GAP43: variants seen among roughly 807,000 people sequenced by gnomAD.
GAP43 encodes growth associated protein 43.
GAP43 carries 6 observed loss-of-function variants against 18.6 expected under a neutral mutation model. The observed-to-expected ratio is 0.32, with a 90% CI of 0.18 to 0.64. The LOEUF (loss-of-function observed/expected upper bound fraction) is 0.64, where lower values mean the gene tolerates loss of function less well. Ranked by LOEUF, GAP43 falls within the 30% of genes least tolerant of loss-of-function variation. GAP43 has a pLI of 0.78. For missense variants in GAP43, 292 were observed against 295.5 expected, an observed-to-expected ratio of 0.99 and a Z score of 0.09; for synonymous variants, 115 against 111.4, an observed-to-expected ratio of 1.03 and a Z score of -0.20.
At position 115,688,672 on chromosome 3, in the gene GAP43, C is replaced by T. The variant is rs529216066; in HGVS notation, c.628+12062C>T. ...TGGGGCCAATTCTTATTTAACTCCG[C>T]GGACTGACATCCTAAATGCCTCTTC... On this transcript the variant is annotated intron_variant, in intron 2 of 2. Transcript: ENST00000305124. Among the ~76,000 whole-genome samples the T allele has an allele frequency of 6.7e-4, 102 of 152,280 alleles. 2 individuals carry two copies. In the South Asian group the frequency reaches 0.019, roughly 29 times the overall value.
At position 115,640,586 on chromosome 3, in the gene GAP43, C is replaced by T. The variant is rs140914998; in HGVS notation, c.30+16867C>T. On this transcript the variant is annotated intron_variant, in intron 1 of 2. Coordinates refer to ENST00000305124, the MANE Select transcript of GAP43 (RefSeq NM_002045.4). The stretch of plus-strand genomic sequence containing the variant: ...CTCTGGACTCCTCAATTGATGTACA[C>T]CCAGAGACACTGCAGTGTCAGTCCA... 3.9e-3 allele frequency among the ~76,000 whole-genome samples: 590 copies of T among 152,204 alleles called. 4 individuals are homozygous for T. The highest frequency in any genetic ancestry group is 0.014 in the African/African-American group (572 of 41,524).
At chr3:115,699,505 C>T (rs966735362) in intron 2 of GAP43, among the ~76,000 whole-genome samples, 1 of 152,168 alleles carries the variant, frequency 6.6e-6, no homozygotes, top group African/African-American at 2.4e-5. Context: ...TGCAATTGAG[C>T]TGCAAATCTA....
At chr3:115,685,047 A>G (rs568790018) in intron 2 of GAP43, among the ~76,000 whole-genome samples, 14 of 152,162 alleles carry the variant, frequency 9.2e-5, no homozygotes, top group East Asian at 1.9e-4. Context: ...TGCATCTGTG[A>G]CAATACTTTG....
chr3:115,669,263 A>G (rs1026948953), intron 1 of GAP43, among the ~76,000 whole-genome samples: 22 of 152,278 alleles, frequency 1.4e-4, no homozygotes, highest in African/African-American at 4.1e-4. Flanking sequence ...ACTAATTTCT[A>G]TAATTGGGGA....
chr3:115,677,734 C>T (rs1370807), intron 2 of GAP43, among the ~76,000 whole-genome samples: 39,029 of 152,118 alleles, frequency 0.26, 5,501 homozygotes, highest in Non-Finnish European at 0.31. Flanking sequence ...GGTCCAAATA[C>T]GGACTGAACC....
intron 1 of GAP43, among the ~76,000 whole-genome samples, chr3:115,672,309 C>T (rs376645287): frequency 6.6e-6 from 1 of 152,242 alleles, no homozygotes; most frequent in Middle Eastern, 3.4e-3. Context: ...TTTCTCTGGG[C>T]TTGAATGTCC....
intron 1 of GAP43, among the ~76,000 whole-genome samples, chr3:115,662,992 G>C (rs1371467007): frequency 1.3e-5 from 2 of 152,150 alleles, no homozygotes; most frequent in Non-Finnish European, 2.9e-5. Flanking sequence ...CTAAATAAAA[G>C]GGAATTTTCT....
intron 1 of GAP43, among the ~76,000 whole-genome samples, chr3:115,672,605 T>A (rs946532257): frequency 1.3e-5 from 2 of 152,148 alleles, no homozygotes; most frequent in Admixed American, 1.3e-4. Flanking sequence ...AACCCAGTAT[T>A]AACTTAAAAT....
In GAP43 at chr3:115,643,770, A is replaced by G. The variant is rs140639592; in HGVS notation, c.30+20051A>G. On this transcript the variant is annotated intron_variant, in intron 1 of 2. Coordinates refer to ENST00000305124, the MANE Select transcript of GAP43 (RefSeq NM_002045.4). ...TCCAGCCCTTGTATCTACTCAAGAT[A>G]CTTATTACAATCTGCTGGCACCAGT... is the stretch of plus-strand genomic sequence containing the variant. 5.1e-3 allele frequency among the ~76,000 whole-genome samples: 778 copies of G among 152,106 alleles called. 4 individuals carry two copies. The highest frequency in any genetic ancestry group is 0.017 in the African/African-American group (726 of 41,530).
rs183541274 is a variant in GAP43 at position 115,672,774 on chromosome 3, C to T, written c.31-3239C>T. Reference sequence around the variant, plus strand: ...CTCTCCTCTCCTCTCCTCTCCTTTCCTTTCCTTTCATTTCCCTGCGTCTGT... The same window carrying T: ...CTCTCCTCTCCTCTCCTCTCCTTTCTTTTCCTTTCATTTCCCTGCGTCTGT... On this transcript the variant is annotated intron_variant, in intron 1 of 2. Coordinates refer to ENST00000305124, the MANE Select transcript of GAP43 (RefSeq NM_002045.4). 2.7e-5 allele frequency among the ~76,000 whole-genome samples: 4 copies of T among 150,526 alleles called. No homozygotes were observed. In the East Asian group the frequency reaches 7.9e-4, roughly 30 times the overall value.
Position 115,676,277 on chromosome 3 carries a change from G to C in GAP43, c.295G>C (p.Asp99His). The stretch of plus-strand genomic sequence containing the variant: ...AGCCCCAGCCACTGGCTCCAAGCCT[G>C]ATGAGCCCGGCAAAGCAGGAGAAAC... ...EAAPATGSKP[D>H]EPGKAGETPS... Residue 99 changes from aspartate to histidine, a missense_variant, in exon 2 of 3, where the codon GAT becomes CAT. Coordinates refer to ENST00000305124, the MANE Select transcript of GAP43 (RefSeq NM_002045.4). The C allele has an allele frequency of 6.2e-7, 1 of 1,614,142 alleles. No homozygotes were observed. Among genetic ancestry groups the C allele is most frequent in the Non-Finnish European group, 8.5e-7 (1 of 1,180,022 alleles).
At chr3:115,711,516 C>G (rs527804990) in intron 2 of GAP43, among the ~76,000 whole-genome samples, 4 of 150,412 alleles carry the variant, frequency 2.7e-5, no homozygotes, top group South Asian at 2.1e-4. Flanking sequence ...CACACACCCC[C>G]CTACAGAAAG....
rs116363618 is a variant in GAP43, at chr3:115,687,382, A to G, written c.628+10772A>G. Among the ~76,000 whole-genome samples, 1,101 of 152,248 alleles carry G rather than the reference A, an allele frequency of 7.2e-3. 12 individuals carry two copies. Among genetic ancestry groups the G allele is most frequent in the Non-Finnish European group, 0.012 (796 of 68,008 alleles). On this transcript the variant is annotated intron_variant, in intron 2 of 2. Coordinates refer to ENST00000305124, the MANE Select transcript of GAP43 (RefSeq NM_002045.4). Reference sequence around the variant, plus strand: ...GAAAATTGATTCATATTACAGTCCTATTGTGTAGTCGCAGATAGGACTGGT... The same window carrying G: ...GAAAATTGATTCATATTACAGTCCTGTTGTGTAGTCGCAGATAGGACTGGT...
intron 2 of GAP43, among the ~76,000 whole-genome samples, chr3:115,681,396 C>G (rs1708956034): frequency 6.6e-6 from 1 of 152,126 alleles, no homozygotes; most frequent in South Asian, 2.1e-4. Context: ...TGTTTTGTCT[C>G]AGTTTCTGCA....
chr3:115,678,278 C>G (rs1208841228), intron 2 of GAP43, among the ~76,000 whole-genome samples: 1 of 152,130 alleles, frequency 6.6e-6, no homozygotes, highest in Admixed American at 6.6e-5. Flanking sequence ...ATTAATCATG[C>G]TTTTAAATAC....
At chr3:115,649,028 T>C (rs1043478113) in intron 1 of GAP43, among the ~76,000 whole-genome samples, 8 of 152,076 alleles carry the variant, frequency 5.3e-5, no homozygotes, top group African/African-American at 1.9e-4. Context: ...TACAGATAAC[T>C]GGCATAGACC....
chr3:115,671,217 T>C (rs1483373567), intron 1 of GAP43, among the ~76,000 whole-genome samples: 1 of 152,182 alleles, frequency 6.6e-6, no homozygotes, highest in Non-Finnish European at 1.5e-5. Context: ...CATTTTAGAA[T>C]AAATCTTAAG....
In GAP43 at chr3:115,668,077, G is replaced by T. The variant is rs1004100057; in HGVS notation, c.31-7936G>T. On this transcript the variant is annotated intron_variant, in intron 1 of 2. Coordinates refer to ENST00000305124, the MANE Select transcript of GAP43 (RefSeq NM_002045.4). ...TCAAGAGTAGAGATGCTTCCTCCCA[G>T]GGCTGACTTCCCATAGGTATTTTCC... is the stretch of plus-strand genomic sequence containing the variant. 8.5e-5 allele frequency among the ~76,000 whole-genome samples: 13 copies of T among 152,132 alleles called. No homozygotes were observed. In the East Asian group the frequency reaches 2.5e-3, roughly 29 times the overall value.
Position 115,675,871 on chromosome 3 carries a change from TC to T in GAP43, c.31-140del, listed in dbSNP as rs1227396223. The T allele has an allele frequency of 6.8e-5, 80 of 1,181,052 alleles. 1 individual carries two copies. The highest frequency in any genetic ancestry group is 4.5e-4 in the Admixed American group (15 of 33,580). 73.2% of individuals were successfully genotyped at this position (1,181,052 alleles called of 1,614,324 possible). A position where few individuals can be genotyped will look rare whatever the true frequency, so the allele number is the denominator to read the frequency against. On this transcript the variant is annotated intron_variant, in intron 1 of 2. Transcript: ENST00000305124. ...AGAAAGATGAGGTTTGATTTGAACT[TC>T]CAGGGTACTGTTGAATTCTTAACTC...
Sources: gnomAD v4.1 joint callset for allele counts (sites outside exome capture counted in the v4.1 genomes callset) on GRCh38, gnomAD v4.1.1 for gene constraint, MANE v1.5 for transcripts, NCBI Gene and HGNC (gene_info 2026-07-23, HGNC 2026-07-21) for gene names.